Variants in CLCN5 observed in about 807,000 individuals in gnomAD.
CLCN5 encodes the protein H(+)/Cl(-) exchange transporter 5.
In CLCN5, 17 loss-of-function variants were observed where a neutral mutation model predicts 54.0. The ratio of observed to expected loss-of-function variants is 0.31; its 90% CI spans 0.22 to 0.47. The LOEUF (loss-of-function observed/expected upper bound fraction) is 0.47, where lower values mean the gene tolerates loss of function less well. Ranked by LOEUF, CLCN5 falls within the 20% of genes least tolerant of loss-of-function variation. CLCN5 has a pLI of 1.00. For synonymous variants in CLCN5, 222 were observed against 233.0 expected (o/e 0.95, Z 0.43); for missense variants, 448 against 646.7 (o/e 0.69, Z 3.33).
chrX:49,984,916 A>G (rs1360349626), intron 3 of CLCN5, among the ~76,000 whole-genome samples: 2 of 110,264 alleles, frequency 1.8e-5, no homozygotes, highest in Non-Finnish European at 3.8e-5. Flanking sequence ...CGTGCCTGGC[A>G]ATATTGCTTA....
intron 3 of CLCN5, among the ~76,000 whole-genome samples, chrX:50,040,592 G>A (rs1932178478): frequency 1.8e-5 from 2 of 112,003 alleles, no homozygotes; most frequent in Admixed American, 9.5e-5. Context: ...GGTACAGTGT[G>A]ATGTTTCAAT....
In CLCN5 at chrX:50,086,779, C is replaced by T. The variant is rs782602018; in HGVS notation, c.1466C>T (p.Pro489Leu). Residue 489 changes from proline (P) to leucine (L), a missense_variant, in exon 11 of 15, where the codon CCG (proline) becomes CTG (leucine). Transcript: ENST00000376091. ...AAAGGGGGTGAACTGCCTGACAGAC[C>T]GGCTGGCGTGGGAGTCTACAGTGCA... The part of the protein sequence containing the change: ...TSKGGELPDR[P>L]AGVGVYSAMW... 15 of 1,208,443 alleles carry T rather than the reference C, an allele frequency of 1.2e-5. No homozygotes were observed. In the African/African-American group the frequency reaches 1.8e-4, roughly 14 times the overall value.
At chrX:49,976,275 AG>A (rs782361744) in intron 3 of CLCN5, among the ~76,000 whole-genome samples, 1 of 112,511 alleles carries the variant, frequency 8.9e-6, no homozygotes, top group Non-Finnish European at 1.9e-5. Context: ...ATTATGATGC[AG>A]GTTAAAGTTT....
intron 4 of CLCN5, among the ~76,000 whole-genome samples, chrX:50,055,294 A>G (rs868937540): frequency 3.5e-4 from 39 of 111,982 alleles, no homozygotes; most frequent in Non-Finnish European, 2.8e-4. Context: ...CCTTAACATT[A>G]TATTTACTAA....
At chrX:50,048,691 A>G (rs1185006941) in intron 4 of CLCN5, among the ~76,000 whole-genome samples, 1 of 110,885 alleles carries the variant, frequency 9.0e-6, no homozygotes, top group Non-Finnish European at 1.9e-5. Context: ...TGGCACTACA[A>G]CATGCTCTAG....
intron 4 of CLCN5, among the ~76,000 whole-genome samples, chrX:50,057,461 T>C (rs1448163481): frequency 4.6e-5 from 1 of 21,687 alleles, no homozygotes; most frequent in African/African-American, 2.0e-4. Context: ...CTCTCCTGGA[T>C]AGATACTATC....
chrX:49,980,813 TC>T (rs1928695405), intron 3 of CLCN5, among the ~76,000 whole-genome samples: 1 of 111,651 alleles, frequency 9.0e-6, no homozygotes, highest in Non-Finnish European at 1.9e-5. Flanking sequence ...TTTCTAGTGT[TC>T]CTTTCTTGTT....
At chrX:49,978,949 C>T (rs1489409779) in intron 3 of CLCN5, among the ~76,000 whole-genome samples, 4 of 111,156 alleles carry the variant, frequency 3.6e-5, no homozygotes, top group Non-Finnish European at 3.8e-5. Flanking sequence ...GTTTTAAATA[C>T]ATCACTGGAG....
chrX:50,015,049 T>C (rs1309421834), intron 3 of CLCN5, among the ~76,000 whole-genome samples: 1 of 111,310 alleles, frequency 9.0e-6, no homozygotes, highest in Non-Finnish European at 1.9e-5. Flanking sequence ...TACCTATATG[T>C]ATATATATGG....
At chrX:49,941,443 C>T (rs782793922) in intron 3 of CLCN5, among the ~76,000 whole-genome samples, 1 of 111,579 alleles carries the variant, frequency 9.0e-6, no homozygotes, top group Non-Finnish European at 1.9e-5. Flanking sequence ...CAACATCCTC[C>T]GTGCAGGGCA....
intron 3 of CLCN5, among the ~76,000 whole-genome samples, chrX:49,981,565 A>G (rs1380664584): frequency 9.0e-6 from 1 of 111,067 alleles, no homozygotes; most frequent in Non-Finnish European, 1.9e-5. Flanking sequence ...AATTATATTT[A>G]TTTACTTATT....
Position 49,972,547 on chromosome X carries a change from A to G in CLCN5, c.16+47233A>G, listed in dbSNP as rs781978208. Reference sequence around the variant, plus strand: ...TGATCCTGCCATCACCTCATGACACAGGCAAGAGTTATTTTCCCTACTCAT... The same window carrying G: ...TGATCCTGCCATCACCTCATGACACGGGCAAGAGTTATTTTCCCTACTCAT... On this transcript the variant is annotated intron_variant, in intron 3 of 14. Coordinates refer to ENST00000376091, the MANE Select transcript of CLCN5 (RefSeq NM_001127898.4). 6.3e-5 allele frequency among the ~76,000 whole-genome samples: 7 copies of G among 111,831 alleles called. No homozygotes were observed. The East Asian group carries it at 1.4e-3, about 23-fold the overall frequency.
chrX:49,972,112 GGTGTGTGTGTGTGTGTGTGT>G lies in CLCN5; in HGVS notation c.16+46827_16+46846del, dbSNP rs61157983. Reference sequence around the variant, plus strand: ...ATTTGCTTTATCATATGCATTCTCTGGTGTGTGTGTGTGTGTGTGTGTGTGTGTGTGTGTGTGTGTGTGTG... The same window carrying G: ...ATTTGCTTTATCATATGCATTCTCTGGTGTGTGTGTGTGTGTGTGTGTGTG... On this transcript the variant is annotated intron_variant, in intron 3 of 14. Coordinates refer to ENST00000376091, the MANE Select transcript of CLCN5 (RefSeq NM_001127898.4). Among the ~76,000 whole-genome samples, 692 of 86,580 alleles carry G rather than the reference GGTGTGTGTGTGTGTGTGTGT, an allele frequency of 8.0e-3. 2 individuals carry two copies. The highest frequency in any genetic ancestry group is 0.012 in the Non-Finnish European group (548 of 44,304). 75.2% of individuals were successfully genotyped at this position (86,580 alleles called of 115,157 possible).
chrX:50,043,405 G>A (rs184477082), intron 4 of CLCN5, among the ~76,000 whole-genome samples: 16 of 111,958 alleles, frequency 1.4e-4, no homozygotes, highest in African/African-American at 3.9e-4. Flanking sequence ...TATTTTTGTC[G>A]CATAAGTGTA....
At chrX:49,926,172 C>A (rs1925330165) in intron 3 of CLCN5, among the ~76,000 whole-genome samples, 1 of 112,103 alleles carries the variant, frequency 8.9e-6, no homozygotes, top group African/African-American at 3.2e-5. Flanking sequence ...AAAAATGTTT[C>A]ATTGTGTTGG....
intron 4 of CLCN5, among the ~76,000 whole-genome samples, chrX:50,063,679 T>G (rs1172468431): frequency 9.2e-6 from 1 of 108,521 alleles, no homozygotes; most frequent in African/African-American, 3.4e-5. Context: ...ATCATTCTGA[T>G]ACCAAAGCCA....
At chrX:49,986,432 T>C (rs1413484350) in intron 3 of CLCN5, among the ~76,000 whole-genome samples, 2 of 112,212 alleles carry the variant, frequency 1.8e-5, no homozygotes, top group African/African-American at 6.5e-5. Context: ...ATTTTCTTTA[T>C]TTAGTAACAA....
chrX:49,956,265 T>G (rs1372489998), intron 3 of CLCN5, among the ~76,000 whole-genome samples: 1 of 111,936 alleles, frequency 8.9e-6, no homozygotes, highest in Non-Finnish European at 1.9e-5. Context: ...CAGGTGATTG[T>G]TCCAGCTACC....
At chrX:50,057,654 C>G (rs1932782028) in intron 4 of CLCN5, among the ~76,000 whole-genome samples, 3 of 83,597 alleles carry the variant, frequency 3.6e-5, no homozygotes, top group African/African-American at 1.3e-4. Flanking sequence ...AGATACTATC[C>G]AGGACTCTCC....
Sources: allele counts gnomAD v4.1 joint callset (sites outside exome capture counted in the v4.1 genomes callset), GRCh38; gene constraint gnomAD v4.1.1; transcripts MANE v1.5; gene names NCBI Gene and HGNC (gene_info 2026-07-23, HGNC 2026-07-21).